The following NRG3 variants were observed in gnomAD, a reference collection of about 807,000 sequenced individuals.
The protein encoded by NRG3 is pro-neuregulin-3, membrane-bound isoform.
Under a neutral mutation model 66.9 loss-of-function variants are expected in NRG3, and 31 were observed. That is an observed-to-expected ratio of 0.46 (90% CI 0.35 to 0.63). NRG3 has a LOEUF of 0.63. NRG3 is among the 20% of genes least tolerant of loss of function. The pLI is 0.00. For synonymous variants in NRG3, 393 were observed against 359.4 expected (o/e 1.09, Z -1.06); for missense variants, 910 against 878.9 (o/e 1.04, Z -0.45).
chr10:82,111,426 C>T lies in NRG3; in HGVS notation c.823+235263C>T, dbSNP rs141518483. ...TTCTTAATTGAGTTTGATACAAACA[C>T]GACCGAGTGCTTTGGGCTCTGCTTT... On this transcript the variant is annotated intron_variant, in intron 1 of 8. Coordinates refer to ENST00000372141, the MANE Select transcript of NRG3 (RefSeq NM_001010848.4). 3.4e-3 allele frequency among the ~76,000 whole-genome samples: 524 copies of T among 152,264 alleles called. 2 individuals are homozygous for T. Among genetic ancestry groups the T allele is most frequent in the Non-Finnish European group, 4.8e-3 (327 of 68,014 alleles).
At chr10:82,609,052 G>A (rs2048141130) in intron 2 of NRG3, among the ~76,000 whole-genome samples, 1 of 152,052 alleles carries the variant, frequency 6.6e-6, no homozygotes, top group Admixed American at 6.6e-5. Context: ...ATATAATAAT[G>A]TCTCCCTTCT....
chr10:82,351,567 T>A (rs777519757), intron 1 of NRG3, among the ~76,000 whole-genome samples: 7 of 152,140 alleles, frequency 4.6e-5, no homozygotes, highest in Non-Finnish European at 1.0e-4. Context: ...CAGCATAGAC[T>A]CAGTTCTCTT....
intron 2 of NRG3, among the ~76,000 whole-genome samples, chr10:82,377,056 C>T (rs1485362949): frequency 6.6e-6 from 1 of 152,096 alleles, no homozygotes; most frequent in Non-Finnish European, 1.5e-5. Context: ...TGTAAGCTTG[C>T]CCCTCCTTAT....
intron 1 of NRG3, among the ~76,000 whole-genome samples, chr10:81,927,294 A>C (rs1846901298): frequency 6.6e-6 from 1 of 152,072 alleles, no homozygotes; most frequent in Non-Finnish European, 1.5e-5. Flanking sequence ...TTAATATCCT[A>C]TCTGCTGTAA....
At chr10:82,923,366 C>A (rs1008012353) in intron 4 of NRG3, among the ~76,000 whole-genome samples, 3 of 152,300 alleles carry the variant, frequency 2.0e-5, no homozygotes, top group South Asian at 4.1e-4. Flanking sequence ...TTACAAATAT[C>A]TTTCCCTGCC....
chr10:81,937,633 A>G (rs1339287526), intron 1 of NRG3, among the ~76,000 whole-genome samples: 1 of 151,960 alleles, frequency 6.6e-6, no homozygotes, highest in African/African-American at 2.4e-5. Context: ...GGAGTTCTTT[A>G]TATGTTCTGG....
chr10:82,173,741 G>T (rs562328226), intron 1 of NRG3, among the ~76,000 whole-genome samples: 9 of 149,672 alleles, frequency 6.0e-5, no homozygotes, highest in South Asian at 4.2e-4. Context: ...GGCCAGACAA[G>T]AACACAAAGA....
At chr10:81,893,527 A>G (rs1398581511) in intron 1 of NRG3, among the ~76,000 whole-genome samples, 3 of 152,138 alleles carry the variant, frequency 2.0e-5, no homozygotes, top group Non-Finnish European at 4.4e-5. Context: ...ATGACTGAGC[A>G]GTTCATATAC....
intron 1 of NRG3, among the ~76,000 whole-genome samples, chr10:82,165,714 C>T (rs764649511): frequency 6.6e-5 from 10 of 151,288 alleles, no homozygotes; most frequent in African/African-American, 2.4e-4. Flanking sequence ...TGAGAGGGGG[C>T]GTGACAGAGG....
chr10:82,774,821 C>CTTTTTTTTTTTTTTTTTTTTTT, intron 3 of NRG3, among the ~76,000 whole-genome samples: 1 of 78,022 alleles, frequency 1.3e-5, no homozygotes. Flanking sequence ...TTTCTTTTTT[C>CTTTTTTTTTTTTTTTTTTTTTT]TTTTTTTTTT....
At chr10:82,231,043 G>T (rs2076430555) in intron 1 of NRG3, among the ~76,000 whole-genome samples, 1 of 152,064 alleles carries the variant, frequency 6.6e-6, no homozygotes, top group Non-Finnish European at 1.5e-5. Flanking sequence ...AGAAATGTAG[G>T]ATTATAAATA....
chr10:81,960,425 G>C (rs1181929721), intron 1 of NRG3, among the ~76,000 whole-genome samples: 1 of 151,798 alleles, frequency 6.6e-6, no homozygotes, highest in Non-Finnish European at 1.5e-5. Flanking sequence ...ATAATTTACC[G>C]AGTTAGTTTG....
intron 1 of NRG3, among the ~76,000 whole-genome samples, chr10:82,085,789 A>T (rs1590054647): frequency 6.6e-6 from 1 of 152,008 alleles, no homozygotes; most frequent in Non-Finnish European, 1.5e-5. Flanking sequence ...GGTGCCTGCC[A>T]TCAGGCCCGG....
At chr10:82,338,797 C>A (rs2135365404) in intron 1 of NRG3, among the ~76,000 whole-genome samples, 1 of 152,242 alleles carries the variant, frequency 6.6e-6, no homozygotes, top group Middle Eastern at 3.4e-3. Context: ...TTCATATATT[C>A]ACCTTATTCA....
At chr10:82,003,988 A>AC (rs2061275719) in intron 1 of NRG3, among the ~76,000 whole-genome samples, 76 of 134,422 alleles carry the variant, frequency 5.7e-4, no homozygotes, top group African/African-American at 2.0e-3. Context: ...CCTGACTGAA[A>AC]ACACACACAC....
At chr10:82,196,293 A>G (rs1049114542) in intron 1 of NRG3, among the ~76,000 whole-genome samples, 1 of 152,210 alleles carries the variant, frequency 6.6e-6, no homozygotes. Flanking sequence ...TCAGCCTGAC[A>G]TTTGGGGTAG....
intron 2 of NRG3, among the ~76,000 whole-genome samples, chr10:82,440,631 A>G (rs2090388288): frequency 6.6e-6 from 1 of 151,986 alleles, no homozygotes; most frequent in Admixed American, 6.6e-5. Flanking sequence ...GGAGATGGTA[A>G]CTTTTTCCTG....
intron 2 of NRG3, among the ~76,000 whole-genome samples, chr10:82,379,492 G>T (rs1253969678): frequency 6.6e-6 from 1 of 152,102 alleles, no homozygotes; most frequent in Non-Finnish European, 1.5e-5. Flanking sequence ...ATAATCCACA[G>T]TAAAATGGGT....
At chr10:82,627,326 A>G (rs2049501262) in intron 2 of NRG3, among the ~76,000 whole-genome samples, 2 of 152,070 alleles carry the variant, frequency 1.3e-5, no homozygotes, top group African/African-American at 4.8e-5. Context: ...CCCAGTAGTA[A>G]TTTTGCAAAA....
Sources: allele counts gnomAD v4.1 joint callset (sites outside exome capture counted in the v4.1 genomes callset), GRCh38; gene constraint gnomAD v4.1.1; transcripts MANE v1.5; gene names NCBI Gene and HGNC (gene_info 2026-07-23, HGNC 2026-07-21).